The following NOL10 variants were observed in gnomAD, a reference collection of about 807,000 sequenced individuals.
NOL10 encodes the protein nucleolar protein 10.
A neutral mutation model predicts 103.5 loss-of-function variants in NOL10; 58 were observed. The ratio of observed to expected loss-of-function variants is 0.56; its 90% CI spans 0.45 to 0.70. The LOEUF is 0.70. Ranked by LOEUF, NOL10 falls within the 30% of genes least tolerant of loss-of-function variation. NOL10 has a pLI of 0.00. For missense variants in NOL10, 763 were observed against 807.3 expected, an observed-to-expected ratio of 0.95 and a Z score of 0.67; for synonymous variants, 287 against 282.5, an observed-to-expected ratio of 1.02 and a Z score of -0.16.
At chr2:10,617,327 G>A (rs1676886856) in intron 13 of NOL10, among the ~76,000 whole-genome samples, 1 of 152,222 alleles carries the variant, frequency 6.6e-6, no homozygotes, top group Non-Finnish European at 1.5e-5. Flanking sequence ...CATTCATGAG[G>A]ATCACTCTGG....
chr2:10,666,482 C>T (rs369556368), intron 8 of NOL10, among the ~76,000 whole-genome samples: 7 of 152,218 alleles, frequency 4.6e-5, no homozygotes, highest in Admixed American at 3.9e-4. Flanking sequence ...GTGTGTGCCA[C>T]CACACCCGGC....
chr2:10,571,969 C>A lies in NOL10; in HGVS notation c.*102G>T. The A allele has an allele frequency of 7.2e-7, 1 of 1,380,066 alleles. No individual in the cohort carries two copies. The highest frequency in any genetic ancestry group is 1.0e-6 in the Non-Finnish European group (1 of 996,228). The allele number at this position is 1,380,066 out of a possible 1,614,324, so 85.5% of individuals were successfully genotyped here. A position where few individuals can be genotyped will look rare whatever the true frequency, so the allele number is the denominator to read the frequency against. ...CTCTGTGTACAAGAACGTACATGAA[C>A]TTTAAAAACGTGTGTTTCCTCGTCT... On this transcript the variant is annotated 3_prime_UTR_variant, in exon 21 of 21. Transcript: ENST00000381685.
chr2:10,662,937 T>C lies in NOL10; in HGVS notation c.677+22A>G, dbSNP rs2069003. ...AATTAAAAGTTGATGAACATTTACA[T>C]TGCAAATTAATTTCTACTTACTCTG... On this transcript the variant is annotated intron_variant, in intron 9 of 20. Coordinates refer to ENST00000381685, the MANE Select transcript of NOL10 (RefSeq NM_024894.4). 1.2e-3 allele frequency: 1,937 copies of C among 1,563,918 alleles called. 25 individuals carry two copies. In the African/African-American group the frequency reaches 0.022, roughly 18 times the overall value.
chr2:10,586,086 G>A (rs1251701220), intron 19 of NOL10, among the ~76,000 whole-genome samples: 3 of 152,234 alleles, frequency 2.0e-5, no homozygotes, highest in Admixed American at 1.3e-4. Flanking sequence ...AGACAGAAAA[G>A]TAAACTAGTG....
rs886787553 is a variant in NOL10, at chr2:10,589,463, C to T, written c.1596+115G>A. The T allele has an allele frequency of 4.1e-5, 49 of 1,200,356 alleles. No homozygotes were observed. In the African/African-American group the frequency reaches 7.1e-4, roughly 17 times the overall value. The allele number at this position is 1,200,356 out of a possible 1,614,324, so 74.4% of individuals were successfully genotyped here. ...TAATACTCCTAAGCCCAATGTCAAA[C>T]ACTTAATATGGAATTAATTACATCT... On this transcript the variant is annotated intron_variant, in intron 18 of 20. Transcript: ENST00000381685.
At chr2:10,639,838 T>C (rs1305635674) in intron 13 of NOL10, among the ~76,000 whole-genome samples, 3 of 151,610 alleles carry the variant, frequency 2.0e-5, no homozygotes, top group Non-Finnish European at 4.4e-5. Context: ...CTGAGAGAAT[T>C]AAAAAAATAA....
intron 15 of NOL10, 89 bp from the exon 16 acceptor site, chr2:10,602,963 C>G: frequency 8.3e-7 from 1 of 1,211,264 alleles, no homozygotes; most frequent in South Asian, 1.3e-5. Context: ...TGCCAAAGAA[C>G]AGGCAGATCC....
At chr2:10,653,516 C>T (rs533712852) in intron 12 of NOL10, among the ~76,000 whole-genome samples, 169 of 152,256 alleles carry the variant, frequency 1.1e-3, no homozygotes, top group African/African-American at 3.3e-3. Flanking sequence ...AAAGCACAGT[C>T]GGAACAAGTC....
intron 13 of NOL10, among the ~76,000 whole-genome samples, chr2:10,620,256 T>G (rs967064467): frequency 6.6e-5 from 10 of 152,182 alleles, no homozygotes; most frequent in African/African-American, 2.4e-4. Flanking sequence ...TTTCTAATTC[T>G]TAATTTTGAA....
intron 17 of NOL10, among the ~76,000 whole-genome samples, chr2:10,592,850 CTGTT>C (rs1308678849): frequency 6.6e-6 from 1 of 152,044 alleles, no homozygotes; most frequent in African/African-American, 2.4e-5. Context: ...TTTTCCTAGT[CTGTT>C]TGTTTTCACA....
intron 20 of NOL10, among the ~76,000 whole-genome samples, chr2:10,573,342 C>A (rs1177274540): frequency 1.3e-5 from 2 of 152,106 alleles, no homozygotes. Context: ...TACAGGCACC[C>A]GCCACCACGC....
intron 13 of NOL10, among the ~76,000 whole-genome samples, chr2:10,637,937 C>A (rs61671865): frequency 0.29 from 43,957 of 151,854 alleles, 6,910 homozygotes; most frequent in Non-Finnish European, 0.36. Flanking sequence ...TTTAAACAGT[C>A]AAAATATTTT....
At chr2:10,683,443 G>A (rs1402519175) in intron 2 of NOL10, among the ~76,000 whole-genome samples, 1 of 152,110 alleles carries the variant, frequency 6.6e-6, no homozygotes, top group Non-Finnish European at 1.5e-5. Context: ...CTCAAACACT[G>A]ATAAATGGAT....
intron 14 of NOL10, among the ~76,000 whole-genome samples, chr2:10,606,225 T>C (rs2148191611): frequency 1.9e-5 from 1 of 52,830 alleles, no homozygotes; most frequent in East Asian, 4.7e-4. Flanking sequence ...TGTACATTTA[T>C]CTTTTTTTTT....
At chr2:10,656,580 T>C (rs1457376956) in intron 11 of NOL10, among the ~76,000 whole-genome samples, 1 of 152,108 alleles carries the variant, frequency 6.6e-6, no homozygotes, top group Non-Finnish European at 1.5e-5. Flanking sequence ...CAAAATGAAA[T>C]TTAAAAAACC....
At chr2:10,669,083 TTTC>T (rs1383037140) in intron 6 of NOL10, among the ~76,000 whole-genome samples, 1 of 152,048 alleles carries the variant, frequency 6.6e-6, no homozygotes, top group Non-Finnish European at 1.5e-5. Flanking sequence ...GGCTGAATTT[TTTC>T]TTTTTTTTTG....
At chr2:10,688,279 A>G (rs1558363738) in intron 1 of NOL10, among the ~76,000 whole-genome samples, 2 of 152,178 alleles carry the variant, frequency 1.3e-5, no homozygotes. Flanking sequence ...ACAGCAGCCC[A>G]CACAACAGTG....
chr2:10,685,914 C>CGTAG (rs1682166449), intron 1 of NOL10, among the ~76,000 whole-genome samples: 1 of 92,660 alleles, frequency 1.1e-5, no homozygotes, highest in Non-Finnish European at 3.1e-5. Flanking sequence ...AAAAAAAAAG[C>CGTAG]AGCTGGGCAT....
At chr2:10,680,290 AGGAGAAGAAGGAGAAGAG>A (rs1681648585) in intron 3 of NOL10, among the ~76,000 whole-genome samples, 3 of 130,760 alleles carry the variant, frequency 2.3e-5, no homozygotes, top group African/African-American at 8.4e-5. Context: ...AAGGAGAAGA[AGGAGAAGAAGGAGAAGAG>A]GGAGAAGAGG....
Sources: allele counts gnomAD v4.1 joint callset (sites outside exome capture counted in the v4.1 genomes callset), GRCh38; gene constraint gnomAD v4.1.1; transcripts MANE v1.5; gene names NCBI Gene and HGNC (gene_info 2026-07-23, HGNC 2026-07-21).